Variants in FNDC3A observed in about 807,000 individuals in gnomAD.
FNDC3A encodes fibronectin type III domain containing 3A.
Under a neutral mutation model 148.9 loss-of-function variants are expected in FNDC3A, and 32 were observed. That is an observed-to-expected ratio of 0.21 (90% confidence interval 0.16 to 0.29). The LOEUF is 0.29. FNDC3A is among the 10% of genes least tolerant of loss of function. FNDC3A has a pLI of 1.00. For missense variants in FNDC3A, 1,191 were observed against 1,452.8 expected (o/e 0.82, Z 2.93); for synonymous variants, 472 against 473.6 (o/e 1.00, Z 0.04).
intron 1 of FNDC3A, among the ~76,000 whole-genome samples, chr13:48,999,805 C>A (rs1389924883): frequency 6.6e-6 from 1 of 152,122 alleles, no homozygotes; most frequent in Non-Finnish European, 1.5e-5. Flanking sequence ...CACAGAGCAT[C>A]CTCTCTCCCT....
intron 1 of FNDC3A, among the ~76,000 whole-genome samples, chr13:48,986,393 T>TTTG (rs1951798424): frequency 1.1e-4 from 12 of 108,560 alleles, no homozygotes; most frequent in Admixed American, 3.9e-4. Context: ...TTGTTTTTTT[T>TTTG]TTTTTTTTTT....
At chr13:49,187,501 C>G in intron 16 of FNDC3A, 1 of 1,578,528 alleles carries the variant, frequency 6.3e-7, no homozygotes. Context: ...TAGTTGTTGT[C>G]TTACTACAAG....
chr13:49,145,870 G>T lies in FNDC3A; in HGVS notation c.912G>T (p.Glu304Asp), dbSNP rs370952260. 4.3e-6 allele frequency: 7 copies of T among 1,613,080 alleles called. No homozygotes were observed. In the South Asian group the frequency reaches 5.5e-5, roughly 13 times the overall value. ...AAACAGATGAAAGTAGTGTACCAGA[G>T]CTCTATGGTTATGAAGTTCTGATCT... is the stretch of plus-strand genomic sequence containing the variant. ...NGETDESSVPELYGYEVLISS... is the reference protein window; with the variant it reads ...NGETDESSVPDLYGYEVLISS... Residue 304 changes from glutamate (E) to aspartate (D), a missense_variant, in exon 8 of 26, where the codon GAG becomes GAT. Transcript: ENST00000492622.
chr13:49,199,078 TGGC>T (rs1886297361), intron 23 of FNDC3A, among the ~76,000 whole-genome samples: 1 of 152,148 alleles, frequency 6.6e-6, no homozygotes, highest in Non-Finnish European at 1.5e-5. Flanking sequence ...TGGCCTCCAG[TGGC>T]ACTATCTTGG....
chr13:49,070,482 G>A (rs904973676), intron 2 of FNDC3A, among the ~76,000 whole-genome samples: 1 of 152,126 alleles, frequency 6.6e-6, no homozygotes, highest in Non-Finnish European at 1.5e-5. Flanking sequence ...AAAGATACAT[G>A]TGATATTTTG....
Position 49,198,486 on chromosome 13 carries a change from C to G in FNDC3A, c.2899C>G (p.Leu967Val). Residue 967 changes from leucine (L) to valine (V), a missense_variant, in exon 23 of 26, where the codon CTT becomes GTT. Coordinates refer to ENST00000492622, the MANE Select transcript of FNDC3A (RefSeq NM_001079673.2). ...LECVAFSHQN[L>V]KLKWGEGTPK... is the part of the protein sequence containing the mutation. ...ATGTGTTGCCTTTAGCCACCAGAACCTTAAGCTGAAATGGGGAGAAGGAAC... is the reference window on the plus strand; with the variant it reads ...ATGTGTTGCCTTTAGCCACCAGAACGTTAAGCTGAAATGGGGAGAAGGAAC... 6.2e-7 allele frequency: 1 copy of G among 1,614,178 alleles called. No homozygotes were observed. Among genetic ancestry groups the G allele is most frequent in the Non-Finnish European group, 8.5e-7 (1 of 1,180,018 alleles).
chr13:49,053,985 G>T (rs898420967), intron 2 of FNDC3A, among the ~76,000 whole-genome samples: 2 of 152,188 alleles, frequency 1.3e-5, no homozygotes, highest in Non-Finnish European at 2.9e-5. Context: ...CTAGAGTCAG[G>T]TTGGAGTTTG....
chr13:49,027,015 T>C (rs1593489176), intron 2 of FNDC3A, among the ~76,000 whole-genome samples: 1 of 152,048 alleles, frequency 6.6e-6, no homozygotes, highest in South Asian at 2.1e-4. Flanking sequence ...GGAAACCTGA[T>C]AGTTTTTTTT....
intron 2 of FNDC3A, among the ~76,000 whole-genome samples, chr13:49,025,552 C>A (rs1222771588): frequency 6.6e-6 from 1 of 152,058 alleles, no homozygotes; most frequent in Admixed American, 6.5e-5. Flanking sequence ...CTGGCATTTA[C>A]AGCTAAAACA....
In FNDC3A at chr13:49,207,639, CTCTT is replaced by C. The variant is rs1886715454; in HGVS notation, c.*246_*249del. ...GGGTCTTCTTTTTTTCTTTCCCTCT[CTCTT>C]TTTTTAACAAATGCCTTCTTATAGA... is the stretch of plus-strand genomic sequence containing the variant. On this transcript the variant is annotated 3_prime_UTR_variant, in exon 26 of 26. Transcript: ENST00000492622. The C allele has an allele frequency of 2.7e-6, 1 of 364,660 alleles. No homozygotes were observed. Among genetic ancestry groups the C allele is most frequent in the Admixed American group, 4.4e-5 (1 of 22,928 alleles). 22.6% of individuals were successfully genotyped at this position (364,660 alleles called of 1,614,324 possible). A position where few individuals can be genotyped will look rare whatever the true frequency, so the allele number is the denominator to read the frequency against.
chr13:49,015,698 C>G (rs955161231), intron 2 of FNDC3A, among the ~76,000 whole-genome samples: 3 of 152,168 alleles, frequency 2.0e-5, no homozygotes, highest in Non-Finnish European at 1.5e-5. Context: ...AAAGGGAATG[C>G]TTCCAGTTTT....
chr13:49,174,341 A>G (rs1338373250), intron 11 of FNDC3A, 94 bp from the exon 12 acceptor site: 1 of 983,654 alleles, frequency 1.0e-6, no homozygotes, highest in Non-Finnish European at 1.6e-6. Flanking sequence ...TTTAGTATAC[A>G]CTTGCTAATA....
chr13:49,141,697 T>C (rs1882698106), intron 7 of FNDC3A, among the ~76,000 whole-genome samples: 1 of 152,234 alleles, frequency 6.6e-6, no homozygotes, highest in Admixed American at 6.5e-5. Context: ...TTTAACCCAA[T>C]GGACAGTTTT....
rs988027835 is a variant in FNDC3A at position 49,070,247 on chromosome 13, G to A, written c.100-5042G>A. ...CCTGGGTTCAAGCAGTTCTCCTGCCGCAGCCTCCTGAGTAGCTGGGGTTAC... is the reference window on the plus strand; with the variant it reads ...CCTGGGTTCAAGCAGTTCTCCTGCCACAGCCTCCTGAGTAGCTGGGGTTAC... On this transcript the variant is annotated intron_variant, in intron 2 of 25. Coordinates refer to ENST00000492622, the MANE Select transcript of FNDC3A (RefSeq NM_001079673.2). Among the ~76,000 whole-genome samples the A allele has an allele frequency of 5.9e-5, 9 of 151,666 alleles. No homozygotes were observed. The East Asian group carries it at 9.7e-4, about 16-fold the overall frequency.
intron 3 of FNDC3A, among the ~76,000 whole-genome samples, chr13:49,093,496 C>G (rs1018765103): frequency 6.6e-6 from 1 of 152,114 alleles, no homozygotes; most frequent in Admixed American, 6.6e-5. Context: ...TCCCAGCAAC[C>G]CTTTCAGCTA....
At chr13:49,154,860 G>T (rs1185480183) in intron 8 of FNDC3A, among the ~76,000 whole-genome samples, 2 of 46,114 alleles carry the variant, frequency 4.3e-5, no homozygotes, top group African/African-American at 1.8e-4. Context: ...GCATCCCAGG[G>T]ATGAAGCCCA....
chr13:49,083,965 TGAG>T (rs1878644801), intron 3 of FNDC3A, among the ~76,000 whole-genome samples: 1 of 152,232 alleles, frequency 6.6e-6, no homozygotes, highest in South Asian at 2.1e-4. Flanking sequence ...CTTCTGGGAA[TGAG>T]GACTCTGAAT....
At chr13:49,085,993 C>T (rs1173890558) in intron 3 of FNDC3A, among the ~76,000 whole-genome samples, 1 of 151,984 alleles carries the variant, frequency 6.6e-6, no homozygotes, top group Non-Finnish European at 1.5e-5. Flanking sequence ...AGTGATTCTC[C>T]TGCTTCAACC....
chr13:49,072,345 T>G (rs1877752350), intron 2 of FNDC3A, among the ~76,000 whole-genome samples: 1 of 152,114 alleles, frequency 6.6e-6, no homozygotes, highest in Non-Finnish European at 1.5e-5. Flanking sequence ...ATGTCAAGGC[T>G]AGGTGAAAAG....
Sources: gnomAD v4.1 joint callset for allele counts (sites outside exome capture counted in the v4.1 genomes callset) on GRCh38, gnomAD v4.1.1 for gene constraint, MANE v1.5 for transcripts, NCBI Gene and HGNC (gene_info 2026-07-23, HGNC 2026-07-21) for gene names.